DOCK1: variants seen among roughly 807,000 people sequenced by gnomAD.
DOCK1 encodes dedicator of cytokinesis 1.
In DOCK1, 138 loss-of-function variants were observed where a neutral mutation model predicts 262.7. The ratio of observed to expected loss-of-function variants is 0.53; its 90% CI spans 0.46 to 0.61. The LOEUF is 0.61. DOCK1 is among the 20% of genes least tolerant of loss of function. The pLI, the probability that DOCK1 is intolerant of heterozygous loss-of-function variation, is 0.00. For synonymous variants in DOCK1, 866 were observed against 867.4 expected (o/e 1.00, Z 0.03); for missense variants, 1,908 against 2,370.7 (o/e 0.80, Z 4.05).
intron 45 of DOCK1, 111 bp downstream of exon 45, chr10:127,418,652 C>CAG: frequency 7.5e-7 from 1 of 1,328,378 alleles, no homozygotes; most frequent in Non-Finnish European, 1.0e-6. Context: ...TGAGCAATCT[C>CAG]AGCAGTGGCC....
chr10:126,958,253 C>A (rs1371518310), intron 1 of DOCK1, among the ~76,000 whole-genome samples: 1 of 152,112 alleles, frequency 6.6e-6, no homozygotes, highest in Admixed American at 6.5e-5. Flanking sequence ...TGTATATATG[C>A]CCATTTGTTA....
At chr10:127,188,062 G>A (rs1316670679) in intron 27 of DOCK1, among the ~76,000 whole-genome samples, 1 of 152,190 alleles carries the variant, frequency 6.6e-6, no homozygotes. Flanking sequence ...TAATGAATGA[G>A]TGAATGTCAC....
chr10:127,194,449 C>T (rs1342004290), intron 27 of DOCK1, among the ~76,000 whole-genome samples: 2 of 152,208 alleles, frequency 1.3e-5, no homozygotes, highest in African/African-American at 4.8e-5. Flanking sequence ...TCAAAAGTAA[C>T]ATTCAACAGG....
At chr10:127,015,160 A>G (rs1380501786) in intron 12 of DOCK1, 1 of 149,914 alleles carries the variant, frequency 6.7e-6, no homozygotes, top group African/African-American at 2.5e-5. Flanking sequence ...CTGGAATTTC[A>G]TATCTTAAAA....
chr10:127,311,598 A>T (rs767342496), intron 29 of DOCK1, among the ~76,000 whole-genome samples: 7 of 152,192 alleles, frequency 4.6e-5, no homozygotes, highest in Non-Finnish European at 8.8e-5. Context: ...GAAATCTGAA[A>T]CACTTCTGGT....
chr10:127,255,448 TTGAA>T (rs1213022927), intron 28 of DOCK1, among the ~76,000 whole-genome samples: 2 of 152,134 alleles, frequency 1.3e-5, no homozygotes, highest in African/African-American at 4.8e-5. Flanking sequence ...TAAATCCACA[TTGAA>T]TGATGAAATT....
At chr10:127,381,960 TGG>T (rs1325196471) in intron 37 of DOCK1, among the ~76,000 whole-genome samples, 25 of 15,424 alleles carry the variant, frequency 1.6e-3, no homozygotes, top group African/African-American at 3.2e-3. Flanking sequence ...CAGTGACGTA[TGG>T]ATGGATGGAT....
At chr10:127,364,915 T>A (rs760194406) in intron 33 of DOCK1, among the ~76,000 whole-genome samples, 3 of 152,192 alleles carry the variant, frequency 2.0e-5, no homozygotes, top group Non-Finnish European at 4.4e-5. Context: ...TTATTTTTAA[T>A]AATATTAAAG....
At chr10:127,028,578 A>G (rs2043035614) in intron 16 of DOCK1, among the ~76,000 whole-genome samples, 2 of 152,166 alleles carry the variant, frequency 1.3e-5, no homozygotes, top group Non-Finnish European at 2.9e-5. Flanking sequence ...CCCGAGCCTT[A>G]TGCTCCAATG....
rs923735216 is a variant in DOCK1 at position 127,079,776 on chromosome 10, C to A, written c.2445+18000C>A. On this transcript the variant is annotated intron_variant, in intron 23 of 51. Transcript: ENST00000623213. ...TGAAACCCTTTCTCTTCTAAAAATA[C>A]AAAAATTAGCTGGGCGTGTAGGTGC... Among the ~76,000 whole-genome samples, 4 of 152,056 alleles carry A rather than the reference C, an allele frequency of 2.6e-5. No homozygotes were observed. In the South Asian group the frequency reaches 8.3e-4, roughly 31 times the overall value.
At chr10:127,406,805 C>T (rs991005187) in intron 40 of DOCK1, among the ~76,000 whole-genome samples, 1 of 152,146 alleles carries the variant, frequency 6.6e-6, no homozygotes, top group African/African-American at 2.4e-5. Context: ...GTGTTTTTAC[C>T]TATAACTCAC....
At chr10:127,427,087 A>G (rs540733521) in intron 47 of DOCK1, among the ~76,000 whole-genome samples, 1 of 152,290 alleles carries the variant, frequency 6.6e-6, no homozygotes, top group Admixed American at 6.5e-5. Context: ...CAGACACGGC[A>G]AAGGGTCCCC....
At chr10:127,450,016 A>T (rs535418084) in intron 51 of DOCK1, among the ~76,000 whole-genome samples, 46 of 152,216 alleles carry the variant, frequency 3.0e-4, no homozygotes, top group Non-Finnish European at 5.1e-4. Flanking sequence ...TTGGCCTATC[A>T]GTGAGTGTGG....
chr10:127,238,546 C>T (rs2059153365), intron 27 of DOCK1, among the ~76,000 whole-genome samples: 1 of 152,154 alleles, frequency 6.6e-6, no homozygotes, highest in Admixed American at 6.5e-5. Context: ...TACTTTTGCC[C>T]TCAACCCTGC....
intron 27 of DOCK1, among the ~76,000 whole-genome samples, chr10:127,129,165 G>A (rs1592135916): frequency 1.3e-5 from 2 of 152,104 alleles, no homozygotes; most frequent in African/African-American, 2.4e-5. Flanking sequence ...CAGACAGGTC[G>A]CACAGATGGA....
rs750277835 is a variant in DOCK1 at position 127,052,821 on chromosome 10, T to C, written c.2336+6T>C. ...TCCAGGATCCTGTTCAATCAGTGCGTACCTATCCCCTCCATGCCCGGGCTC... is the reference window on the plus strand; with the variant it reads ...TCCAGGATCCTGTTCAATCAGTGCGCACCTATCCCCTCCATGCCCGGGCTC... On this transcript the variant is annotated splice_donor_region_variant and intron_variant, in intron 22 of 51. Transcript: ENST00000623213. The C allele has an allele frequency of 6.2e-7, 1 of 1,608,258 alleles. No individual in the cohort carries two copies. The highest frequency in any genetic ancestry group is 8.5e-7 in the Non-Finnish European group (1 of 1,176,894).
chr10:126,980,256 A>G (rs970394557), intron 3 of DOCK1, among the ~76,000 whole-genome samples: 2 of 152,010 alleles, frequency 1.3e-5, no homozygotes, highest in African/African-American at 4.8e-5. Flanking sequence ...CGGTGGCACG[A>G]TCATAGATCA....
At chr10:127,106,434 T>C (rs2048534561) in intron 24 of DOCK1, 133 bp downstream of exon 24, 1 of 900,776 alleles carries the variant, frequency 1.1e-6, no homozygotes, top group African/African-American at 1.7e-5. Flanking sequence ...TTCTGGAACA[T>C]GTGTTGCTGG....
chr10:127,056,203 G>A (rs1043747654), intron 22 of DOCK1, among the ~76,000 whole-genome samples: 2 of 130,896 alleles, frequency 1.5e-5, no homozygotes, highest in Non-Finnish European at 3.4e-5. Flanking sequence ...TCCTGATCAT[G>A]ATGATGATGA....
Sources: gnomAD v4.1 joint callset for allele counts (sites outside exome capture counted in the v4.1 genomes callset) on GRCh38, gnomAD v4.1.1 for gene constraint, MANE v1.5 for transcripts, NCBI Gene and HGNC (gene_info 2026-07-23, HGNC 2026-07-21) for gene names.